The following PITPNC1 variants were observed in gnomAD, a reference collection of about 807,000 sequenced individuals.
PITPNC1 encodes the protein cytoplasmic phosphatidylinositol transfer protein 1.
PITPNC1 carries 18 observed loss-of-function variants against 44.7 expected under a neutral mutation model. The ratio of observed to expected loss-of-function variants is 0.40; its 90% confidence interval spans 0.28 to 0.60. PITPNC1 has a LOEUF of 0.60. Among genes scored for constraint, PITPNC1 ranks in the 20% least tolerant of loss-of-function variants. PITPNC1 has a pLI of 0.39. For missense variants in PITPNC1, 290 were observed against 418.4 expected (o/e 0.69, Z 2.68); for synonymous variants, 141 against 149.6 (o/e 0.94, Z 0.42).
intron 6 of PITPNC1, among the ~76,000 whole-genome samples, chr17:67,661,692 T>A (rs2042349629): frequency 6.6e-6 from 1 of 152,142 alleles, no homozygotes. Context: ...GTGCTCAGGA[T>A]CATGACTCTG....
At chr17:67,602,653 C>T (rs1341360307) in intron 5 of PITPNC1, among the ~76,000 whole-genome samples, 1 of 152,048 alleles carries the variant, frequency 6.6e-6, no homozygotes, top group Non-Finnish European at 1.5e-5. Context: ...ACCAATGAGG[C>T]GTGTGGCTAG....
chr17:67,563,027 A>T (rs1482047551), intron 4 of PITPNC1, among the ~76,000 whole-genome samples: 1 of 152,240 alleles, frequency 6.6e-6, no homozygotes, highest in Non-Finnish European at 1.5e-5. Context: ...CTCCAGCCTC[A>T]GAGTCCTGGA....
chr17:67,433,198 C>T (rs919166451), intron 1 of PITPNC1, among the ~76,000 whole-genome samples: 1 of 152,188 alleles, frequency 6.6e-6, no homozygotes, highest in Non-Finnish European at 1.5e-5. Flanking sequence ...TTCCTGTCTC[C>T]TGGCAGTCAG....
intron 1 of PITPNC1, among the ~76,000 whole-genome samples, chr17:67,427,446 T>C (rs1046228383): frequency 6.6e-6 from 1 of 152,118 alleles, no homozygotes; most frequent in Non-Finnish European, 1.5e-5. Context: ...TCTCCTGACC[T>C]TGTGATCCTC....
At chr17:67,668,857 A>C (rs1311299214) in intron 6 of PITPNC1, among the ~76,000 whole-genome samples, 1 of 152,038 alleles carries the variant, frequency 6.6e-6, no homozygotes. Context: ...GCGAGACTCC[A>C]TCTCAAAAAA....
At chr17:67,472,419 G>A (rs538927267) in intron 1 of PITPNC1, among the ~76,000 whole-genome samples, 200 of 150,284 alleles carry the variant, frequency 1.3e-3, no homozygotes, top group African/African-American at 4.6e-3. Context: ...AGGCCGAGGC[G>A]GGTGGGTCAC....
At chr17:67,562,201 G>C (rs1308794523) in intron 4 of PITPNC1, among the ~76,000 whole-genome samples, 1 of 152,208 alleles carries the variant, frequency 6.6e-6, no homozygotes, top group Non-Finnish European at 1.5e-5. Flanking sequence ...CAGCATGTCA[G>C]AGGACGGGAA....
At chr17:67,550,364 C>T (rs534239721) in intron 2 of PITPNC1, among the ~76,000 whole-genome samples, 5 of 151,930 alleles carry the variant, frequency 3.3e-5, no homozygotes, top group South Asian at 2.1e-4. Flanking sequence ...GGGTTAGGTC[C>T]GGCCAGCCAC....
chr17:67,490,506 G>A (rs997541544), intron 1 of PITPNC1, among the ~76,000 whole-genome samples: 1 of 152,084 alleles, frequency 6.6e-6, no homozygotes, highest in African/African-American at 2.4e-5. Flanking sequence ...GATGGGGAGT[G>A]AGGAGGCTTG....
intron 7 of PITPNC1, among the ~76,000 whole-genome samples, chr17:67,672,601 AAATAATAATAATAAT>A (rs55925253): frequency 6.7e-6 from 1 of 148,244 alleles, no homozygotes; most frequent in Non-Finnish European, 1.5e-5. Context: ...TCTGTCTCCA[AAATAATAATAATAAT>A]AATAATAATA....
intron 6 of PITPNC1, among the ~76,000 whole-genome samples, chr17:67,642,449 A>AC (rs773377418): frequency 6.6e-6 from 1 of 152,048 alleles, no homozygotes; most frequent in Non-Finnish European, 1.5e-5. Context: ...CTCTTCTGCT[A>AC]CCCCCTTTCA....
intron 4 of PITPNC1, among the ~76,000 whole-genome samples, chr17:67,567,150 C>T (rs899549608): frequency 1.3e-5 from 2 of 152,184 alleles, no homozygotes; most frequent in African/African-American, 4.8e-5. Flanking sequence ...GCCAGGTCTC[C>T]TTTGGATTGT....
chr17:67,557,294 A>G (rs1160132970), intron 4 of PITPNC1, among the ~76,000 whole-genome samples: 3 of 152,152 alleles, frequency 2.0e-5, no homozygotes, highest in African/African-American at 7.2e-5. Flanking sequence ...GATTAGTCCC[A>G]AAATCCCATC....
intron 1 of PITPNC1, among the ~76,000 whole-genome samples, chr17:67,515,078 A>T (rs1238427786): frequency 6.6e-6 from 1 of 152,224 alleles, no homozygotes; most frequent in Non-Finnish European, 1.5e-5. Flanking sequence ...TTGAATGGTT[A>T]AAAATCAGAT....
intron 1 of PITPNC1, among the ~76,000 whole-genome samples, chr17:67,421,356 C>T (rs1281386113): frequency 6.6e-6 from 1 of 152,128 alleles, no homozygotes; most frequent in Non-Finnish European, 1.5e-5. Flanking sequence ...GATCTCAGCT[C>T]ACTGCAACCT....
chr17:67,422,602 C>T (rs977842828), intron 1 of PITPNC1, among the ~76,000 whole-genome samples: 7 of 152,080 alleles, frequency 4.6e-5, no homozygotes, highest in Admixed American at 2.6e-4. Flanking sequence ...GGCTGGAGCA[C>T]GGTGGTGTGA....
At chr17:67,512,854 G>A (rs1245226821) in intron 1 of PITPNC1, among the ~76,000 whole-genome samples, 1 of 151,924 alleles carries the variant, frequency 6.6e-6, no homozygotes, top group African/African-American at 2.4e-5. Flanking sequence ...TCATATCTTA[G>A]TTGGGGAGAT....
intron 6 of PITPNC1, among the ~76,000 whole-genome samples, chr17:67,656,699 C>A (rs72839424): frequency 0.056 from 8,445 of 152,100 alleles, 338 homozygotes; most frequent in East Asian, 0.2. Context: ...ATTGGCCAGA[C>A]CTTGAAACTT....
In PITPNC1 at chr17:67,572,471, G is replaced by T. The variant is rs533041483; in HGVS notation, c.295-5715G>T. On this transcript the variant is annotated intron_variant, in intron 4 of 8. Transcript: ENST00000581322. ...CACCTGAAGAAGCTGGGTAAAGCGG[G>T]GGGGGGGGGTAAAGAAGAAGGGGGG... is the stretch of plus-strand genomic sequence containing the variant. 4.6e-3 allele frequency among the ~76,000 whole-genome samples: 506 copies of T among 109,854 alleles called. 13 individuals are homozygous for T. Among genetic ancestry groups the T allele is most frequent in the African/African-American group, 0.017 (474 of 27,814 alleles). 72.1% of individuals were successfully genotyped at this position (109,854 alleles called of 152,430 possible). A position where few individuals can be genotyped will look rare whatever the true frequency, so the allele number is the denominator to read the frequency against.
Sources: allele counts gnomAD v4.1 joint callset (sites outside exome capture counted in the v4.1 genomes callset), GRCh38; gene constraint gnomAD v4.1.1; transcripts MANE v1.5; gene names NCBI Gene and HGNC (gene_info 2026-07-23, HGNC 2026-07-21).